RBMS3: variants seen among roughly 807,000 people sequenced by gnomAD.
RBMS3 encodes RNA binding motif single stranded interacting protein 3, also known as RNA-binding motif, single-stranded-interacting protein 3.
RBMS3 carries 27 observed loss-of-function variants against 66.8 expected under a neutral mutation model. That is an observed-to-expected ratio of 0.40 (90% CI 0.30 to 0.56). RBMS3 has a LOEUF of 0.56. RBMS3 is among the 20% of genes least tolerant of loss of function. RBMS3 has a pLI of 0.40. For missense variants in RBMS3, 513 were observed against 549.5 expected (o/e 0.93, Z 0.66); for synonymous variants, 188 against 183.0 (o/e 1.03, Z -0.22).
At chr3:29,718,561 C>T (rs2053504451) in intron 4 of RBMS3, among the ~76,000 whole-genome samples, 1 of 152,070 alleles carries the variant, frequency 6.6e-6, no homozygotes, top group Non-Finnish European at 1.5e-5. Context: ...AAGTCTGGAG[C>T]ATTTATTGTT....
At chr3:29,431,301 C>CTTTTTTTTTTTTTT (rs548031550) in intron 1 of RBMS3, among the ~76,000 whole-genome samples, 4 of 132,400 alleles carry the variant, frequency 3.0e-5, no homozygotes, top group African/African-American at 1.1e-4. Flanking sequence ...TTTTCCTTTT[C>CTTTTTTTTTTTTTT]TTTTTTTTTT....
chr3:29,422,017 T>C (rs1292259895), intron 1 of RBMS3, among the ~76,000 whole-genome samples: 2 of 152,246 alleles, frequency 1.3e-5, no homozygotes, highest in Admixed American at 6.5e-5. Flanking sequence ...GAATGCTGTG[T>C]GCCAGGTTTT....
At position 29,870,382 on chromosome 3, in the gene RBMS3, T is replaced by A. The variant is rs533266994; in HGVS notation, c.744+1418T>A. On this transcript the variant is annotated intron_variant, in intron 7 of 14. Transcript: ENST00000383767. The stretch of plus-strand genomic sequence containing the variant: ...ATAAAATGCCTGCTGATTAGAGATA[T>A]CTTTGGGTCACAGACTATCATCACA... Among the ~76,000 whole-genome samples, 113 of 152,286 alleles carry A rather than the reference T, an allele frequency of 7.4e-4. 2 individuals carry two copies. In the South Asian group the frequency reaches 0.023, roughly 31 times the overall value.
intron 3 of RBMS3, among the ~76,000 whole-genome samples, chr3:29,524,752 GA>G (rs944606711): frequency 2.6e-5 from 4 of 151,850 alleles, no homozygotes; most frequent in Non-Finnish European, 5.9e-5. Context: ...CCTACATTCT[GA>G]AAAAATGACC....
At chr3:29,901,434 A>G (rs939323016) in intron 10 of RBMS3, among the ~76,000 whole-genome samples, 3 of 151,826 alleles carry the variant, frequency 2.0e-5, no homozygotes, top group Non-Finnish European at 2.9e-5. Flanking sequence ...CAAAATCTGA[A>G]TATTTTACCA....
intron 4 of RBMS3, among the ~76,000 whole-genome samples, chr3:29,691,074 C>A (rs767087137): frequency 6.6e-6 from 1 of 152,116 alleles, no homozygotes; most frequent in Non-Finnish European, 1.5e-5. Flanking sequence ...GTTCTATTAT[C>A]TTATGGTTTT....
At chr3:29,525,583 T>C (rs1168950979) in intron 3 of RBMS3, among the ~76,000 whole-genome samples, 1 of 152,236 alleles carries the variant, frequency 6.6e-6, no homozygotes, top group African/African-American at 2.4e-5. Context: ...TGGGTTTCCT[T>C]GAGTCCAAAG....
chr3:29,689,601 G>A (rs1335312164), intron 4 of RBMS3, among the ~76,000 whole-genome samples: 3 of 151,920 alleles, frequency 2.0e-5, no homozygotes, highest in Admixed American at 6.6e-5. Flanking sequence ...TTCTAAACCT[G>A]CAAAATAAAG....
chr3:29,705,578 G>T (rs183580421), intron 4 of RBMS3, among the ~76,000 whole-genome samples: 36 of 152,216 alleles, frequency 2.4e-4, no homozygotes, highest in Admixed American at 1.7e-3. Context: ...TCTTCTTGTT[G>T]TGAATGATTA....
At chr3:29,961,026 T>C (rs1696398236) in intron 12 of RBMS3, among the ~76,000 whole-genome samples, 1 of 152,180 alleles carries the variant, frequency 6.6e-6, no homozygotes, top group Non-Finnish European at 1.5e-5. Flanking sequence ...CCAGCTTGAA[T>C]TTCTCCCTGA....
intron 6 of RBMS3, among the ~76,000 whole-genome samples, chr3:29,826,652 T>C (rs2058219832): frequency 1.3e-5 from 2 of 152,124 alleles, no homozygotes; most frequent in South Asian, 4.1e-4. Context: ...TTCTGGATGC[T>C]CCAGGAGATA....
At chr3:29,622,175 T>C (rs935975510) in intron 4 of RBMS3, among the ~76,000 whole-genome samples, 3 of 152,226 alleles carry the variant, frequency 2.0e-5, no homozygotes, top group Non-Finnish European at 4.4e-5. Context: ...GTGCTGTAGG[T>C]ATTGATTATA....
intron 4 of RBMS3, among the ~76,000 whole-genome samples, chr3:29,626,619 A>G (rs2049069644): frequency 6.6e-6 from 1 of 152,230 alleles, no homozygotes; most frequent in Non-Finnish European, 1.5e-5. Context: ...ATCATTGAGC[A>G]ATAAAATGGG....
At chr3:29,589,733 A>T (rs2047660556) in intron 4 of RBMS3, among the ~76,000 whole-genome samples, 1 of 151,976 alleles carries the variant, frequency 6.6e-6, no homozygotes, top group African/African-American at 2.4e-5. Context: ...GGTGTGTGAA[A>T]CTTGCACTAT....
intron 4 of RBMS3, among the ~76,000 whole-genome samples, chr3:29,624,614 T>C (rs1467798018): frequency 6.6e-6 from 1 of 152,306 alleles, no homozygotes; most frequent in South Asian, 2.1e-4. Context: ...AAGAGCAATA[T>C]AAGAAATTGA....
intron 1 of RBMS3, among the ~76,000 whole-genome samples, chr3:29,296,495 T>C (rs1471609589): frequency 6.6e-6 from 1 of 151,828 alleles, no homozygotes; most frequent in Non-Finnish European, 1.5e-5. Flanking sequence ...GTAAATCTAA[T>C]GGACCTAGGT....
At chr3:29,899,475 G>T (rs1362664876) in intron 9 of RBMS3, among the ~76,000 whole-genome samples, 1 of 151,682 alleles carries the variant, frequency 6.6e-6, no homozygotes, top group Non-Finnish European at 1.5e-5. Flanking sequence ...GGCCATGTGG[G>T]CACTGAAGTC....
chr3:29,307,891 A>G lies in RBMS3; in HGVS notation c.75+26135A>G, dbSNP rs548389825. Among the ~76,000 whole-genome samples, 10 of 151,974 alleles carry G rather than the reference A, an allele frequency of 6.6e-5. No homozygotes were observed. The East Asian group carries it at 1.2e-3, about 18-fold the overall frequency. ...ATTCATCTAAGATATTTAATAGTAT[A>G]TATTAAATTCATTTTGTTATATAAA... On this transcript the variant is annotated intron_variant, in intron 1 of 14. Coordinates refer to ENST00000383767, the MANE Select transcript of RBMS3 (RefSeq NM_001003793.3).
intron 8 of RBMS3, among the ~76,000 whole-genome samples, chr3:29,896,690 G>A (rs1435784728): frequency 1.3e-5 from 2 of 151,550 alleles, no homozygotes; most frequent in East Asian, 3.9e-4. Context: ...ATCTCCAGGA[G>A]AATCATCCCT....
Sources: gnomAD v4.1 joint callset for allele counts (sites outside exome capture counted in the v4.1 genomes callset) on GRCh38, gnomAD v4.1.1 for gene constraint, MANE v1.5 for transcripts, NCBI Gene and HGNC (gene_info 2026-07-23, HGNC 2026-07-21) for gene names.